PACRG: variants seen among roughly 807,000 people sequenced by gnomAD.
PACRG encodes the protein parkin coregulated gene protein.
Under a neutral mutation model 29.7 loss-of-function variants are expected in PACRG, and 29 were observed. The observed-to-expected ratio is 0.98, with a 90% CI of 0.73 to 1.33. PACRG has a LOEUF of 1.33. PACRG is among the 40% of genes most tolerant of loss of function. The pLI is 0.00. For missense variants in PACRG, 279 were observed against 316.2 expected, an observed-to-expected ratio of 0.88 and a Z score of 0.89; for synonymous variants, 116 against 118.7, an observed-to-expected ratio of 0.98 and a Z score of 0.15.
In PACRG at chr6:163,034,611, A is replaced by G. The variant is rs148115588; in HGVS notation, c.292-27539A>G. Among the ~76,000 whole-genome samples the G allele has an allele frequency of 6.3e-3, 964 of 152,020 alleles. 11 individuals carry two copies. The highest frequency in any genetic ancestry group is 0.022 in the African/African-American group (899 of 41,466). On this transcript the variant is annotated intron_variant, in intron 2 of 4. Coordinates refer to ENST00000366888, the MANE Select transcript of PACRG (RefSeq NM_001080379.2). Reference sequence around the variant, plus strand: ...TTCTTTACCTGGCTATATGCACCCCACTTACCTGAAGGCCGCCAATCAGTG... The same window carrying G: ...TTCTTTACCTGGCTATATGCACCCCGCTTACCTGAAGGCCGCCAATCAGTG...
At chr6:163,255,346 AG>A (rs1417496775) in intron 4 of PACRG, among the ~76,000 whole-genome samples, 2 of 152,188 alleles carry the variant, frequency 1.3e-5, no homozygotes, top group African/African-American at 4.8e-5. Flanking sequence ...CCAGGCAGGC[AG>A]GCAGGTGACC....
chr6:163,197,113 T>G (rs551037323), intron 4 of PACRG, among the ~76,000 whole-genome samples: 1 of 152,290 alleles, frequency 6.6e-6, no homozygotes, highest in East Asian at 1.9e-4. Flanking sequence ...ACCTAAAATT[T>G]TCAAGATAAC....
intron 4 of PACRG, among the ~76,000 whole-genome samples, chr6:163,108,759 G>A: frequency 6.6e-6 from 1 of 152,136 alleles, no homozygotes; most frequent in South Asian, 2.1e-4. Context: ...CCAACCTATA[G>A]CAATGTGAGA....
At chr6:162,939,472 C>T (rs1798463629) in intron 2 of PACRG, among the ~76,000 whole-genome samples, 1 of 152,096 alleles carries the variant, frequency 6.6e-6, no homozygotes, top group Non-Finnish European at 1.5e-5. Context: ...CCAGAGCCAA[C>T]CTGATGAGGA....
chr6:163,195,913 C>A, intron 4 of PACRG, among the ~76,000 whole-genome samples: 1 of 152,166 alleles, frequency 6.6e-6, no homozygotes, highest in East Asian at 1.9e-4. Flanking sequence ...CTCACTCATT[C>A]CTCCCTCCCT....
chr6:162,839,569 T>C (rs1789564962), intron 2 of PACRG, among the ~76,000 whole-genome samples: 1 of 152,136 alleles, frequency 6.6e-6, no homozygotes, highest in Non-Finnish European at 1.5e-5. Flanking sequence ...TGGTAGTTTC[T>C]TTTGCTGTGC....
At chr6:163,205,242 G>A (rs1227910294) in intron 4 of PACRG, among the ~76,000 whole-genome samples, 1 of 152,130 alleles carries the variant, frequency 6.6e-6, no homozygotes, top group South Asian at 2.1e-4. Flanking sequence ...GAACCAAAAA[G>A]AGACTGAATA....
chr6:162,834,125 T>C (rs969087151), intron 2 of PACRG, among the ~76,000 whole-genome samples: 2 of 152,134 alleles, frequency 1.3e-5, no homozygotes, highest in African/African-American at 4.8e-5. Context: ...CACAGTGAAG[T>C]GTATTTGTTT....
chr6:163,218,763 G>A (rs548325727), intron 4 of PACRG, among the ~76,000 whole-genome samples: 2 of 152,292 alleles, frequency 1.3e-5, no homozygotes, highest in South Asian at 2.1e-4. Context: ...TCTGCCGCAG[G>A]GGCAGGGCTC....
At chr6:163,097,034 GTTCC>G (rs987308277) in intron 4 of PACRG, among the ~76,000 whole-genome samples, 2 of 152,146 alleles carry the variant, frequency 1.3e-5, no homozygotes, top group Non-Finnish European at 2.9e-5. Context: ...AGACAGTTTA[GTTCC>G]TTCCTTGGCC....
chr6:162,749,980 C>A (rs79515514), intron 1 of PACRG, among the ~76,000 whole-genome samples: 1,759 of 152,238 alleles, frequency 0.012, 9 homozygotes, highest in Non-Finnish European at 0.019. Flanking sequence ...AAAACCAAAT[C>A]CCCATAATTT....
chr6:162,849,099 T>G (rs760489350), intron 2 of PACRG, among the ~76,000 whole-genome samples: 8 of 152,106 alleles, frequency 5.3e-5, no homozygotes, highest in Non-Finnish European at 1.0e-4. Context: ...AGAGAAACAG[T>G]GTTTACCGTA....
intron 4 of PACRG, among the ~76,000 whole-genome samples, chr6:163,177,594 G>A (rs1779431114): frequency 6.6e-6 from 1 of 152,046 alleles, no homozygotes; most frequent in Admixed American, 6.6e-5. Flanking sequence ...CAGAAGCCAG[G>A]CAACAGGGCC....
intron 1 of PACRG, among the ~76,000 whole-genome samples, chr6:162,749,560 G>A (rs1416375530): frequency 5.9e-5 from 9 of 151,910 alleles, no homozygotes; most frequent in Non-Finnish European, 8.8e-5. Context: ...TTGCTCTGTC[G>A]CCCAGGCTGG....
intron 4 of PACRG, among the ~76,000 whole-genome samples, chr6:163,304,015 C>T (rs372140265): frequency 5.2e-5 from 4 of 76,242 alleles, no homozygotes; most frequent in African/African-American, 1.1e-4. Flanking sequence ...GACTCCATTT[C>T]AAAAAAAAAA....
chr6:162,975,541 A>G (rs1160153822), intron 2 of PACRG, among the ~76,000 whole-genome samples: 1 of 152,156 alleles, frequency 6.6e-6, no homozygotes, highest in Admixed American at 6.5e-5. Context: ...TTCATTTGTC[A>G]TGTTTTACTT....
intron 2 of PACRG, among the ~76,000 whole-genome samples, chr6:162,943,065 T>C (rs1038359541): frequency 6.6e-6 from 1 of 152,166 alleles, no homozygotes; most frequent in African/African-American, 2.4e-5. Flanking sequence ...CACCATGGAC[T>C]TCTGCAATCC....
intron 4 of PACRG, among the ~76,000 whole-genome samples, chr6:163,160,998 C>T (rs372240333): frequency 1.4e-3 from 211 of 152,246 alleles, no homozygotes; most frequent in African/African-American, 4.8e-3. Flanking sequence ...TACTGCACGC[C>T]CAAGGTGACA....
rs1334054825 is a variant in PACRG, at chr6:163,286,363, A to C, written c.614-28464A>C. Among the ~76,000 whole-genome samples, 4 of 152,324 alleles carry C rather than the reference A, an allele frequency of 2.6e-5. No individual in the cohort carries two copies. The East Asian group carries it at 7.7e-4, about 29-fold the overall frequency. ...AGTGGGACATTTATGTTTACTACCC[A>C]TAATAACACAGGTAGTAATAAAACA... On this transcript the variant is annotated intron_variant, in intron 4 of 4. Coordinates refer to ENST00000366888, the MANE Select transcript of PACRG (RefSeq NM_001080379.2).
Sources: gnomAD v4.1 joint callset for allele counts (sites outside exome capture counted in the v4.1 genomes callset) on GRCh38, gnomAD v4.1.1 for gene constraint, MANE v1.5 for transcripts, NCBI Gene and HGNC (gene_info 2026-07-23, HGNC 2026-07-21) for gene names.